Variants in SLX4IP observed in about 807,000 individuals in gnomAD.
The protein encoded by SLX4IP is SLX4 interacting protein.
A neutral mutation model predicts 32.9 loss-of-function variants in SLX4IP; 34 were observed. The ratio of observed to expected loss-of-function variants is 1.03; its 90% CI spans 0.79 to 1.38. SLX4IP has a LOEUF of 1.38. Ranked by LOEUF, SLX4IP falls within the 40% of genes most tolerant of loss-of-function variation. SLX4IP has a pLI of 0.00. For missense variants in SLX4IP, 444 were observed against 479.0 expected, an observed-to-expected ratio of 0.93 and a Z score of 0.68; for synonymous variants, 172 against 171.7, an observed-to-expected ratio of 1.00 and a Z score of -0.01.
intron 2 of SLX4IP, among the ~76,000 whole-genome samples, chr20:10,484,278 T>C (rs1356820506): frequency 6.6e-6 from 1 of 152,150 alleles, no homozygotes; most frequent in African/African-American, 2.4e-5. Flanking sequence ...ATATAGCATC[T>C]AGTAGAGTCA....
chr20:10,458,569 T>C (rs578003573), intron 2 of SLX4IP, among the ~76,000 whole-genome samples: 33 of 152,220 alleles, frequency 2.2e-4, no homozygotes, highest in Non-Finnish European at 4.3e-4. Context: ...CATGTGTCTA[T>C]GTGTTCTCAT....
At chr20:10,552,997 G>T (rs1185592522) in intron 2 of SLX4IP, among the ~76,000 whole-genome samples, 2 of 152,116 alleles carry the variant, frequency 1.3e-5, no homozygotes, top group Non-Finnish European at 2.9e-5. Context: ...ATGTTTTACC[G>T]CTTTGGAAGG....
chr20:10,512,570 A>G (rs2065816091), intron 2 of SLX4IP, among the ~76,000 whole-genome samples: 1 of 146,368 alleles, frequency 6.8e-6, no homozygotes, highest in Non-Finnish European at 1.5e-5. Flanking sequence ...AATTTTATAT[A>G]TATATAGGTG....
chr20:10,609,903 C>G (rs944561898), intron 6 of SLX4IP, among the ~76,000 whole-genome samples: 1 of 151,798 alleles, frequency 6.6e-6, no homozygotes, highest in Non-Finnish European at 1.5e-5. Flanking sequence ...ACTGGAGTTA[C>G]TAGCCTATGA....
At chr20:10,460,646 C>T (rs2065329666) in intron 2 of SLX4IP, among the ~76,000 whole-genome samples, 1 of 152,174 alleles carries the variant, frequency 6.6e-6, no homozygotes, top group African/African-American at 2.4e-5. Flanking sequence ...CTCTGAAGGC[C>T]TAGATGCAGA....
At chr20:10,564,219 AC>A in intron 4 of SLX4IP, among the ~76,000 whole-genome samples, 1 of 152,320 alleles carries the variant, frequency 6.6e-6, no homozygotes, top group African/African-American at 2.4e-5. Context: ...AGTGCCAAAA[AC>A]ATCTCTCTAT....
chr20:10,489,213 C>T (rs1023648891), intron 2 of SLX4IP, among the ~76,000 whole-genome samples: 11 of 152,154 alleles, frequency 7.2e-5, no homozygotes, highest in Non-Finnish European at 1.5e-4. Flanking sequence ...TGGGGTCATT[C>T]TTCTTACTTG....
intron 2 of SLX4IP, among the ~76,000 whole-genome samples, chr20:10,506,157 CAT>C (rs2065758036): frequency 1.3e-5 from 2 of 152,324 alleles, no homozygotes; most frequent in East Asian, 1.9e-4. Context: ...CTCATGGTAA[CAT>C]ATAAAATGCA....
At chr20:10,447,891 G>A (rs1047394742) in intron 1 of SLX4IP, among the ~76,000 whole-genome samples, 1 of 139,484 alleles carries the variant, frequency 7.2e-6, no homozygotes, top group African/African-American at 2.6e-5. Flanking sequence ...TTTTTTTAGA[G>A]ATAGGGTCTC....
At chr20:10,553,544 C>T (rs747915105) in intron 2 of SLX4IP, among the ~76,000 whole-genome samples, 3 of 152,200 alleles carry the variant, frequency 2.0e-5, no homozygotes, top group Non-Finnish European at 2.9e-5. Context: ...GGCATGCGAC[C>T]TCCACCTGGT....
intron 4 of SLX4IP, among the ~76,000 whole-genome samples, chr20:10,580,060 A>G (rs748466772): frequency 6.6e-6 from 1 of 152,212 alleles, no homozygotes; most frequent in Non-Finnish European, 1.5e-5. Flanking sequence ...AACCAAATCA[A>G]TGAAGATAAA....
intron 5 of SLX4IP, among the ~76,000 whole-genome samples, chr20:10,599,525 C>A (rs1291803957): frequency 1.3e-5 from 2 of 150,272 alleles, no homozygotes; most frequent in African/African-American, 2.4e-5. Context: ...TCCTAAGTAG[C>A]TGGGACCACA....
At chr20:10,537,360 G>T (rs923582588) in intron 2 of SLX4IP, among the ~76,000 whole-genome samples, 3 of 152,228 alleles carry the variant, frequency 2.0e-5, no homozygotes, top group African/African-American at 7.2e-5. Flanking sequence ...CAACTGGGAA[G>T]AAGGTAAATA....
At chr20:10,592,470 C>T (rs2066720797) in intron 4 of SLX4IP, among the ~76,000 whole-genome samples, 1 of 152,014 alleles carries the variant, frequency 6.6e-6, no homozygotes, top group East Asian at 1.9e-4. Flanking sequence ...TTTGAAGTGA[C>T]AGCATCAAAC....
intron 6 of SLX4IP, chr20:10,613,600 A>G (rs965093238): frequency 1.9e-6 from 3 of 1,612,440 alleles, no homozygotes; most frequent in South Asian, 1.1e-5. Flanking sequence ...TCAAGCCCCA[A>G]CTCCTTTCTG....
chr20:10,537,610 T>C (rs992462282), intron 2 of SLX4IP, among the ~76,000 whole-genome samples: 2 of 152,308 alleles, frequency 1.3e-5, no homozygotes, highest in Admixed American at 1.3e-4. Context: ...GCTGGATCAG[T>C]TTGATATTTA....
chr20:10,553,700 C>A (rs528628781), intron 2 of SLX4IP, among the ~76,000 whole-genome samples: 1 of 152,312 alleles, frequency 6.6e-6, no homozygotes, highest in East Asian at 1.9e-4. Flanking sequence ...CACTTACTTA[C>A]ATTTCACAAA....
At chr20:10,604,451 A>G (rs1264794013) in intron 6 of SLX4IP, among the ~76,000 whole-genome samples, 1 of 151,604 alleles carries the variant, frequency 6.6e-6, no homozygotes, top group Non-Finnish European at 1.5e-5. Context: ...GAAATCTGGG[A>G]GCGTCTATTC....
At chr20:10,604,896 A>G (rs566075482) in intron 6 of SLX4IP, among the ~76,000 whole-genome samples, 25 of 152,302 alleles carry the variant, frequency 1.6e-4, no homozygotes, top group African/African-American at 6.0e-4. Flanking sequence ...CTATTGCTAG[A>G]TATAGGACTG....
Sources: allele counts gnomAD v4.1 joint callset (sites outside exome capture counted in the v4.1 genomes callset), GRCh38; gene constraint gnomAD v4.1.1; transcripts MANE v1.5; gene names NCBI Gene and HGNC (gene_info 2026-07-23, HGNC 2026-07-21).